The following FNDC7 variants were observed in gnomAD, a reference collection of about 807,000 sequenced individuals.
FNDC7 encodes fibronectin type III domain containing 7.
FNDC7 carries 66 observed loss-of-function variants against 74.2 expected under a neutral mutation model. The ratio of observed to expected loss-of-function variants is 0.89; its 90% CI spans 0.73 to 1.09. FNDC7 has a LOEUF of 1.09. Among genes scored for constraint, FNDC7 ranks in the 50% least tolerant of loss-of-function variants. FNDC7 has a pLI of 0.00. For synonymous variants in FNDC7, 307 were observed against 330.2 expected (o/e 0.93, Z 0.76); for missense variants, 829 against 893.4 (o/e 0.93, Z 0.92).
chr1:108,730,859 A>G lies in FNDC7; in HGVS notation c.1810A>G (p.Thr604Ala). 6.2e-7 allele frequency: 1 copy of G among 1,614,024 alleles called. No homozygotes were observed. Among genetic ancestry groups the G allele is most frequent in the Non-Finnish European group, 8.5e-7 (1 of 1,179,940 alleles). ...ATGCATCACATGTGGCATCAATTAC[A>G]CAGTGACATTAAAAGCAATTAGTGC... ...LGCITCGINY[T>A]VTLKAISATG... The change falls in exon 9 of 13, where the codon ACA becomes GCA. Residue 604 changes from threonine to alanine, a missense_variant. Physicochemically the swap from Thr to Ala is moderately conservative, Grantham distance 58. Coordinates refer to ENST00000370017, the MANE Select transcript of FNDC7 (RefSeq NM_001144937.3).
intron 10 of FNDC7, among the ~76,000 whole-genome samples, chr1:108,736,297 A>G (rs892629148): frequency 6.6e-6 from 1 of 151,530 alleles, no homozygotes; most frequent in African/African-American, 2.4e-5. Flanking sequence ...CACCAAGAGA[A>G]CTCTACTGGC....
chr1:108,731,839 A>G (rs536266688), intron 9 of FNDC7, among the ~76,000 whole-genome samples: 1 of 152,264 alleles, frequency 6.6e-6, no homozygotes, highest in Admixed American at 6.5e-5. Flanking sequence ...CTTTCTTTTG[A>G]CCCATTATCT....
Position 108,728,032 on chromosome 1 carries a change from AAT to A in FNDC7, c.1339_1340del (p.Met447ValfsTer15), listed in dbSNP as rs774315084. Reference protein sequence around the residue: ...VYSFNEVRGSNMSCTPQFITT... With the variant: ...VYSFNEVRGSXMSCTPQFITT... Reference sequence around the variant, plus strand: ...TTCATTCAATGAAGTCCGAGGCAGCAATATGTCATGTACTCCCCAGTTCATAA... The same window carrying A: ...TTCATTCAATGAAGTCCGAGGCAGCAATGTCATGTACTCCCCAGTTCATAA... On this transcript the variant is annotated frameshift_variant, in exon 7 of 13. Transcript: ENST00000370017. LOFTEE classifies it high-confidence loss of function. The A allele has an allele frequency of 5.0e-6, 8 of 1,614,060 alleles. No homozygotes were observed. Among genetic ancestry groups the A allele is most frequent in the Non-Finnish European group, 6.8e-6 (8 of 1,180,044 alleles).
chr1:108,733,612 C>T, intron 10 of FNDC7, 80 bp downstream of exon 10: 1 of 1,350,336 alleles, frequency 7.4e-7, no homozygotes, highest in Non-Finnish European at 1.0e-6. Context: ...AACTTATTTA[C>T]TATGTATGAA....
chr1:108,733,226 G>C lies in FNDC7; in HGVS notation c.1880-46G>C, dbSNP rs745485717. On this transcript the variant is annotated intron_variant, in intron 9 of 12. Transcript: ENST00000370017. ...TAATCAAGGCCATTTTTGGATGATG[G>C]TGGAATAAAACAAGTGATTTTGTGT... The C allele has an allele frequency of 2.5e-6, 4 of 1,588,968 alleles. No homozygotes were observed. In the East Asian group the frequency reaches 9.0e-5, roughly 36 times the overall value.
chr1:108,727,673 G>A (rs1165063179), intron 6 of FNDC7, 135 bp from the exon 7 acceptor site: 3 of 1,042,102 alleles, frequency 2.9e-6, no homozygotes, highest in Non-Finnish European at 2.8e-6. Flanking sequence ...GACCTTGACA[G>A]ACCCATAGGG....
intron 6 of FNDC7, among the ~76,000 whole-genome samples, chr1:108,727,596 C>G (rs1661246932): frequency 1.3e-5 from 2 of 152,236 alleles, no homozygotes; most frequent in Admixed American, 6.5e-5. Context: ...AACCTTATAG[C>G]TTGCAATGAC....
chr1:108,728,899 C>A lies in FNDC7; in HGVS notation c.1624+13C>A, dbSNP rs1268348436. On this transcript the variant is annotated intron_variant, in intron 8 of 12. Transcript: ENST00000370017. ...CCCCTGGAAACAGGTATGTAGCAACCACCAGCCTGAATGTTGACTTCAGTG... is the reference window on the plus strand; with the variant it reads ...CCCCTGGAAACAGGTATGTAGCAACAACCAGCCTGAATGTTGACTTCAGTG... 2 of 1,609,146 alleles carry A rather than the reference C, an allele frequency of 1.2e-6. No homozygotes were observed. Among genetic ancestry groups the A allele is most frequent in the South Asian group, 1.1e-5 (1 of 90,998 alleles).
intron 3 of FNDC7, 90 bp from the exon 4 acceptor site, chr1:108,718,699 T>TA (rs142736840): frequency 0.15 from 204,271 of 1,323,164 alleles, 16,508 homozygotes; most frequent in Non-Finnish European, 0.16. Flanking sequence ...AATTATTGTA[T>TA]ATTATGGATA....
chr1:108,730,746 G>C lies in FNDC7; in HGVS notation c.1697G>C (p.Gly566Ala), dbSNP rs759052616. 4 of 1,613,580 alleles carry C rather than the reference G, an allele frequency of 2.5e-6. No individual in the cohort carries two copies. The South Asian group carries it at 4.4e-5, about 18-fold the overall frequency. Residue 566 changes from glycine to alanine, a missense_variant, in exon 9 of 13, where the codon GGG becomes GCG. Physicochemically the swap from Gly to Ala is moderately conservative, Grantham distance 60. Coordinates refer to ENST00000370017, the MANE Select transcript of FNDC7 (RefSeq NM_001144937.3). ...GTAATCAACGTGAGCTGGACTATTG[G>C]GAGAGTGGCTCAAACCCATGTTGCA... ...QSVINVSWTI[G>A]RVAQTHVAVL... is the part of the protein sequence containing the mutation.
Position 108,717,855 on chromosome 1 carries a change from G to A in FNDC7, c.161G>A (p.Gly54Asp). The A allele has an allele frequency of 6.4e-7, 1 of 1,551,716 alleles. No individual in the cohort carries two copies. Among genetic ancestry groups the A allele is most frequent in the Non-Finnish European group, 8.7e-7 (1 of 1,147,004 alleles). Residue 54 changes from glycine (G) to aspartate (D), a missense_variant, in exon 3 of 13, where the codon GGT becomes GAT. Coordinates refer to ENST00000370017, the MANE Select transcript of FNDC7 (RefSeq NM_001144937.3). The part of the protein sequence containing the change: ...SITVEWATVP[G>D]ATSYLLTAED... ...ACTGTAGAATGGGCTACAGTGCCGG[G>A]TGCCACCAGTTACCTCCTCACGGCT...
rs114733200 is a variant in FNDC7, at chr1:108,735,270, C to A, written c.2140+1738C>A. 9.1e-3 allele frequency among the ~76,000 whole-genome samples: 1,392 copies of A among 152,304 alleles called. 23 individuals carry two copies. Among genetic ancestry groups the A allele is most frequent in the African/African-American group, 0.032 (1,329 of 41,542 alleles). ...CTACTGCTATGCCTCAGGCCCTCAC[C>A]ACCTCTCCCCTAGACTACTGCACCA... On this transcript the variant is annotated intron_variant, in intron 10 of 12. Transcript: ENST00000370017.
intron 10 of FNDC7, among the ~76,000 whole-genome samples, chr1:108,736,486 G>A (rs1337024467): frequency 1.3e-5 from 2 of 152,186 alleles, no homozygotes; most frequent in African/African-American, 4.8e-5. Context: ...TACGTAGCAC[G>A]TAACTGTTGC....
At chr1:108,719,889 G>A (rs1661060922) in intron 4 of FNDC7, among the ~76,000 whole-genome samples, 1 of 152,186 alleles carries the variant, frequency 6.6e-6, no homozygotes, top group South Asian at 2.1e-4. Context: ...CTCCACTTGG[G>A]GAGGACACAG....
intron 10 of FNDC7, 117 bp downstream of exon 10, chr1:108,733,649 C>CTT (rs397981150): frequency 0.011 from 6,711 of 611,190 alleles, 154 homozygotes; most frequent in African/African-American, 0.07. Context: ...AAATTTCTTT[C>CTT]TTTTTTTTTT....
chr1:108,729,792 A>G (rs1484425643), intron 8 of FNDC7, among the ~76,000 whole-genome samples: 1 of 152,212 alleles, frequency 6.6e-6, no homozygotes, highest in Admixed American at 6.5e-5. Flanking sequence ...ACAGTGATAG[A>G]TGGCACTTTG....
In FNDC7 at chr1:108,728,862, A is replaced by G; in HGVS notation, c.1600A>G (p.Ser534Gly). 6.2e-7 allele frequency: 1 copy of G among 1,614,160 alleles called. No homozygotes were observed. Among genetic ancestry groups the G allele is most frequent in the Non-Finnish European group, 8.5e-7 (1 of 1,180,002 alleles). ...AETQAGRSLP[S>G]YSVPLETVPC... ...AACACAGGCAGGACGGAGCCTGCCC[A>G]GCTACAGTGTGCCCCTGGAAACAGG... The change falls in exon 8 of 13, where the codon AGC becomes GGC. Residue 534 changes from serine to glycine, a missense_variant. Transcript: ENST00000370017.
intron 5 of FNDC7, 42 bp downstream of exon 5, chr1:108,722,634 T>C (rs963857224): frequency 4.4e-6 from 7 of 1,576,272 alleles, no homozygotes; most frequent in Non-Finnish European, 6.0e-6. Flanking sequence ...CTTGCAGCCC[T>C]GACTGCTGTA....
At chr1:108,733,235 A>C (rs1661432135) in intron 9 of FNDC7, 37 bp from the exon 10 acceptor site, 1 of 1,594,826 alleles carries the variant, frequency 6.3e-7, no homozygotes, top group Admixed American at 1.7e-5. Context: ...GGTGGAATAA[A>C]ACAAGTGATT....
Sources: gnomAD v4.1 joint callset for allele counts (sites outside exome capture counted in the v4.1 genomes callset) on GRCh38, gnomAD v4.1.1 for gene constraint, MANE v1.5 for transcripts, NCBI Gene and HGNC (gene_info 2026-07-23, HGNC 2026-07-21) for gene names.